DPP9: variants seen among roughly 807,000 people sequenced by gnomAD.
DPP9 encodes the protein dipeptidyl peptidase 9, also known as dipeptidyl peptidase IV-related protein-2.
DPP9 carries 50 observed loss-of-function variants against 110.7 expected under a neutral mutation model. The observed-to-expected ratio is 0.45, with a 90% CI of 0.36 to 0.57. DPP9 has a LOEUF of 0.57. Ranked by LOEUF, DPP9 falls within the 20% of genes least tolerant of loss-of-function variation. The pLI is 0.00. For synonymous variants in DPP9, 561 were observed against 514.4 expected, an observed-to-expected ratio of 1.09 and a Z score of -1.23; for missense variants, 1,022 against 1,217.9, an observed-to-expected ratio of 0.84 and a Z score of 2.39.
In DPP9 at chr19:4,684,295, C is replaced by T; in HGVS notation, c.2178+368G>A. The T allele has an allele frequency of 3.3e-6, 1 of 305,018 alleles. No homozygotes were observed. 18.9% of individuals were successfully genotyped at this position (305,018 alleles called of 1,614,324 possible). A position where few individuals can be genotyped will look rare whatever the true frequency, so the allele number is the denominator to read the frequency against. On this transcript the variant is annotated intron_variant, in intron 18 of 21. Coordinates refer to ENST00000262960, the MANE Select transcript of DPP9 (RefSeq NM_139159.5). This position sits in a 1 kb window ranked among gnomAD's most constrained non-coding sequence, Gnocchi z 4.8. ...CAGAGAGCAGCCCTCCCCGACACAG[C>T]CCTGCCTTGGCCTTGGACCTCCCAG...
At chr19:4,696,111 G>A (rs1052213878) in intron 11 of DPP9, among the ~76,000 whole-genome samples, 4 of 152,104 alleles carry the variant, frequency 2.6e-5, no homozygotes, top group Admixed American at 2.6e-4. Flanking sequence ...ATGTTGGCCA[G>A]GCTAGTCTCG....
In DPP9 at chr19:4,705,911, G is replaced by T. The variant is rs778143273; in HGVS notation, c.373C>A (p.Arg125=). 6.2e-7 allele frequency: 1 copy of T among 1,613,948 alleles called. No homozygotes were observed. The highest frequency in any genetic ancestry group is 2.2e-5 in the East Asian group (1 of 44,882). ...LLYSEIPKKV[R]KEALLLLSWK... is the part of the protein sequence containing the mutation. ...GACAGGAGCAGCAGAGCCTCTTTCC[G>T]GACCTTCTTGGGAATCTCAGAGTAG... The change falls in exon 5 of 22, where the codon CGG becomes AGG. Residue 125 remains arginine (R), a synonymous_variant. Coordinates refer to ENST00000262960, the MANE Select transcript of DPP9 (RefSeq NM_139159.5).
chr19:4,686,307 T>C (rs945637427), intron 16 of DPP9, among the ~76,000 whole-genome samples: 3 of 150,064 alleles, frequency 2.0e-5, no homozygotes, highest in Admixed American at 6.6e-5. Context: ...GCCAAACTTG[T>C]CTCGAACTGT....
chr19:4,692,189 G>T (rs981495094), intron 13 of DPP9, among the ~76,000 whole-genome samples: 1 of 152,030 alleles, frequency 6.6e-6, no homozygotes, highest in African/African-American at 2.4e-5. Flanking sequence ...TTGTTTTTTT[G>T]GGGGGTAGGA....
intron 16 of DPP9, among the ~76,000 whole-genome samples, chr19:4,686,318 ATTTTTTTT>A (rs397859631): frequency 9.5e-6 from 1 of 105,640 alleles, no homozygotes; most frequent in Non-Finnish European, 2.1e-5. Flanking sequence ...CTCGAACTGT[ATTTTTTTT>A]TTTTTTTTTT....
chr19:4,681,646 A>G (rs891172223), intron 20 of DPP9, among the ~76,000 whole-genome samples: 1 of 148,402 alleles, frequency 6.7e-6, no homozygotes, highest in South Asian at 2.2e-4. Flanking sequence ...CTCACTACCA[A>G]CTCCACCTCC....
chr19:4,697,458 A>T (rs1292702112), intron 11 of DPP9, 93 bp downstream of exon 11: 1 of 1,067,710 alleles, frequency 9.4e-7, no homozygotes, highest in African/African-American at 1.6e-5. Flanking sequence ...AGATGGAAGG[A>T]ATGGCACGGA....
chr19:4,680,821 G>A (rs1338356610), intron 20 of DPP9, among the ~76,000 whole-genome samples: 1 of 152,134 alleles, frequency 6.6e-6, no homozygotes. Context: ...GCTGGGTGTG[G>A]TAGTGCATGC....
At chr19:4,688,172 A>G (rs2090971537) in intron 16 of DPP9, 1 of 152,158 alleles carries the variant, frequency 6.6e-6, no homozygotes, top group South Asian at 2.1e-4. Context: ...GCAGTGGTAC[A>G]ATCACACTTC....
In DPP9 at chr19:4,700,781, C is replaced by T. The variant is rs2092196480; in HGVS notation, c.1013-504G>A. Among the ~76,000 whole-genome samples the T allele has an allele frequency of 6.6e-6, 1 of 152,232 alleles. No homozygotes were observed. The highest frequency in any genetic ancestry group is 6.5e-5 in the Admixed American group (1 of 15,284). Reference sequence around the variant, plus strand: ...ACAGAATAAGGGACCCAAGAGGCTTCTGAAGAGTGGGACTTAGTTCAGGCT... The same window carrying T: ...ACAGAATAAGGGACCCAAGAGGCTTTTGAAGAGTGGGACTTAGTTCAGGCT... On this transcript the variant is annotated intron_variant, in intron 9 of 21. Transcript: ENST00000262960. This position sits in a 1 kb window ranked among gnomAD's most constrained non-coding sequence, Gnocchi z 4.3.
Position 4,684,457 on chromosome 19 carries a change from C to T in DPP9, c.2178+206G>A, listed in dbSNP as rs2090386917. 1 of 609,926 alleles carries T rather than the reference C, an allele frequency of 1.6e-6. No homozygotes were observed. The highest frequency in any genetic ancestry group is 1.9e-5 in the African/African-American group (1 of 53,942). The allele number at this position is 609,926 out of a possible 1,614,324, so 37.8% of individuals were successfully genotyped here. A position where few individuals can be genotyped will look rare whatever the true frequency, so the allele number is the denominator to read the frequency against. ...AGTGTCAGCACAACTTGTCTCTGTC[C>T]CTGCAGGGCGCAGCCCAGAGCTGAG... On this transcript the variant is annotated intron_variant, in intron 18 of 21. Coordinates refer to ENST00000262960, the MANE Select transcript of DPP9 (RefSeq NM_139159.5). This position sits in a 1 kb window ranked among gnomAD's most constrained non-coding sequence, Gnocchi z 4.8.
chr19:4,713,102 G>A (rs372248401), intron 4 of DPP9, among the ~76,000 whole-genome samples: 28 of 152,358 alleles, frequency 1.8e-4, no homozygotes, highest in East Asian at 1.2e-3. Context: ...CTGGCATGGA[G>A]TGGGTGGAGG....
intron 2 of DPP9, among the ~76,000 whole-genome samples, chr19:4,720,676 G>A (rs950166273): frequency 4.6e-5 from 7 of 152,098 alleles, no homozygotes; most frequent in Non-Finnish European, 8.8e-5. Flanking sequence ...GTCACAACTC[G>A]GGGGTGACCC....
chr19:4,689,360 C>T lies in DPP9; in HGVS notation c.1749+210G>A, dbSNP rs1252380843. Among the ~76,000 whole-genome samples, 1 of 152,236 alleles carries T rather than the reference C, an allele frequency of 6.6e-6. No homozygotes were observed. The highest frequency in any genetic ancestry group is 6.5e-5 in the Admixed American group (1 of 15,288). On this transcript the variant is annotated intron_variant, in intron 15 of 21. Coordinates refer to ENST00000262960, the MANE Select transcript of DPP9 (RefSeq NM_139159.5). This position sits in a 1 kb window ranked among gnomAD's most constrained non-coding sequence, Gnocchi z 7.0. Reference sequence around the variant, plus strand: ...GCGGACGGGCACTGGGGGGCTCCACCACTTACTACCCTGGGATTGGTGGTG... The same window carrying T: ...GCGGACGGGCACTGGGGGGCTCCACTACTTACTACCCTGGGATTGGTGGTG...
At position 4,704,069 on chromosome 19, in the gene DPP9, G is replaced by A. The variant is rs775702570; in HGVS notation, c.601-15C>T. 1.1e-5 allele frequency: 18 copies of A among 1,613,622 alleles called. No individual in the cohort carries two copies. The highest frequency in any genetic ancestry group is 2.2e-5 in the South Asian group (2 of 91,084). On this transcript the variant is annotated splice_polypyrimidine_tract_variant and intron_variant, in intron 6 of 21. Coordinates refer to ENST00000262960, the MANE Select transcript of DPP9 (RefSeq NM_139159.5). The surrounding 1 kb of genome is among the most constrained non-coding windows in gnomAD (Gnocchi z 6.0). ...ATAGGGGACACCTGAGGACAGAGACGCCCAGCTCAGGGGGAGGGGCCCTCC... is the reference window on the plus strand; with the variant it reads ...ATAGGGGACACCTGAGGACAGAGACACCCAGCTCAGGGGGAGGGGCCCTCC...
Position 4,694,852 on chromosome 19 carries a change from C to T in DPP9, c.1354-29G>A. Reference sequence around the variant, plus strand: ...TCCGGAAAGCAGATAGAAGATGCGTCAGAAGGTGTGGGTGGCCGGGCATGG... The same window carrying T: ...TCCGGAAAGCAGATAGAAGATGCGTTAGAAGGTGTGGGTGGCCGGGCATGG... On this transcript the variant is annotated intron_variant, in intron 12 of 21. Transcript: ENST00000262960. The surrounding 1 kb of genome is among the most constrained non-coding windows in gnomAD (Gnocchi z 4.0). 1 of 1,610,662 alleles carries T rather than the reference C, an allele frequency of 6.2e-7. No individual in the cohort carries two copies. Among genetic ancestry groups the T allele is most frequent in the South Asian group, 1.1e-5 (1 of 90,786 alleles).
At chr19:4,681,100 G>A (rs2089810307) in intron 20 of DPP9, among the ~76,000 whole-genome samples, 1 of 152,186 alleles carries the variant, frequency 6.6e-6, no homozygotes, top group African/African-American at 2.4e-5. Flanking sequence ...GTGGCCACAC[G>A]TCGCCGTTGA....
At chr19:4,703,648 T>G (rs1273001427) in intron 7 of DPP9, among the ~76,000 whole-genome samples, 1 of 140,904 alleles carries the variant, frequency 7.1e-6, no homozygotes, top group Admixed American at 7.3e-5. Flanking sequence ...GCAACTGCAC[T>G]CCCACATGGG....
At chr19:4,716,779 G>A (rs561893201) in intron 3 of DPP9, among the ~76,000 whole-genome samples, 1 of 152,308 alleles carries the variant, frequency 6.6e-6, no homozygotes, top group African/African-American at 2.4e-5. Context: ...CCCAATCAGA[G>A]CCGAGTGAAT....
Sources: allele counts gnomAD v4.1 joint callset (sites outside exome capture counted in the v4.1 genomes callset), GRCh38; gene constraint gnomAD v4.1.1; non-coding constraint Gnocchi (gnomAD v3.1); transcripts MANE v1.5; gene names NCBI Gene and HGNC (gene_info 2026-07-23, HGNC 2026-07-21).